Variants in ZNF705B observed in about 807,000 individuals in gnomAD.
The protein encoded by ZNF705B is Putative zinc finger protein 705D-like protein LOC100132396.
In ZNF705B, 1 loss-of-function variant was observed where a neutral mutation model predicts 10.5. The ratio of observed to expected loss-of-function variants is 0.10; its 90% CI spans 0.03 to 0.45. ZNF705B has a LOEUF of 0.45. ZNF705B is among the 20% of genes least tolerant of loss of function. The pLI is 0.97. For synonymous variants in ZNF705B, 4 were observed against 25.4 expected (o/e 0.16, Z 2.53); for missense variants, 14 against 84.0 (o/e 0.17, Z 3.26).
chr8:7,932,203 C>T lies in ZNF705B; in HGVS notation c.-72+1767C>T, dbSNP rs1188732846. ...GCAGTGTCCACAGTGGGAATATGGA[C>T]CACTGGGGCTCTCTTTTTTACCTTT... On this transcript the variant is annotated intron_variant, in intron 2 of 6. Coordinates refer to ENST00000400120, the MANE Select transcript of ZNF705B (RefSeq NM_001193630.1). Among the ~76,000 whole-genome samples the T allele has an allele frequency of 5.0e-5, 6 of 121,114 alleles. 1 individual carries two copies. In the East Asian group the frequency reaches 7.1e-4, roughly 14 times the overall value. 79.5% of individuals were successfully genotyped at this position (121,114 alleles called of 152,430 possible).
rs867963993 is a variant in ZNF705B, at chr8:7,936,245, G to A, written c.-72+5809G>A. On this transcript the variant is annotated intron_variant, in intron 2 of 6. Transcript: ENST00000400120. ...TGTGCGGAAATTTGTTGTTACTCTC[G>A]GTTCAGAGGTCTTTGAATCATGTGT... 2.4e-4 allele frequency among the ~76,000 whole-genome samples: 29 copies of A among 119,912 alleles called. 4 individuals carry two copies. Among genetic ancestry groups the A allele is most frequent in the Middle Eastern group, 4.4e-3 (1 of 226 alleles). The allele number at this position is 119,912 out of a possible 152,430, so 78.7% of individuals were successfully genotyped here.
chr8:7,928,749 C>CA (rs548498381), intron 1 of ZNF705B, among the ~76,000 whole-genome samples: 19,969 of 52,084 alleles, frequency 0.38, 2,675 homozygotes, highest in South Asian at 0.56. Flanking sequence ...AACCAGGTAG[C>CA]AAAAAAAAAA....
intron 1 of ZNF705B, among the ~76,000 whole-genome samples, chr8:7,928,264 C>G (rs1169452869): frequency 4.2e-5 from 5 of 118,956 alleles, no homozygotes; most frequent in African/African-American, 1.0e-4. Context: ...AATATCGTCA[C>G]CACCTTGGGG....
intron 2 of ZNF705B, among the ~76,000 whole-genome samples, chr8:7,933,414 TAA>T (rs1274918808): frequency 3.2e-4 from 12 of 37,664 alleles, no homozygotes; most frequent in African/African-American, 6.5e-4. Flanking sequence ...TTTAAGCCAC[TAA>T]GTTTGTTGTA....
intron 2 of ZNF705B, among the ~76,000 whole-genome samples, chr8:7,941,192 TG>T (rs1430794673): frequency 6.9e-6 from 1 of 145,532 alleles, no homozygotes; most frequent in Non-Finnish European, 1.5e-5. Context: ...TATATTCCTT[TG>T]GGTATATACC....
At position 7,931,146 on chromosome 8, in the gene ZNF705B, C is replaced by T. The variant is rs1819836634; in HGVS notation, c.-72+710C>T. Reference sequence around the variant, plus strand: ...AGGATTACAGGTGTGAGTCAGGTGGCTTTCTCAAGTGCCAGCAGTGACAGT... The same window carrying T: ...AGGATTACAGGTGTGAGTCAGGTGGTTTTCTCAAGTGCCAGCAGTGACAGT... On this transcript the variant is annotated intron_variant, in intron 2 of 6. Transcript: ENST00000400120. Among the ~76,000 whole-genome samples the T allele has an allele frequency of 3.3e-5, 4 of 121,318 alleles. 2 individuals are homozygous for T. The Admixed American group carries it at 3.7e-4, about 11-fold the overall frequency. 79.6% of individuals were successfully genotyped at this position (121,318 alleles called of 152,430 possible).
chr8:7,929,656 T>C (rs1819787205), intron 1 of ZNF705B, among the ~76,000 whole-genome samples: 1 of 120,040 alleles, frequency 8.3e-6, no homozygotes, highest in South Asian at 2.9e-4. Context: ...GAATCAGGAA[T>C]GCAAGCTTTT....
rs1475987225 is a variant in ZNF705B, at chr8:7,926,387, C to T, written c.-232C>T. On this transcript the variant is annotated 5_prime_UTR_variant, in exon 1 of 7. Coordinates refer to ENST00000400120, the MANE Select transcript of ZNF705B (RefSeq NM_001193630.1). ...ACACAGCCTGTGGAGGGTGGAGGAA[C>T]CAACTGCAAGGTGGGTTTCCAGTAG... is the stretch of plus-strand genomic sequence containing the variant. 8.5e-6 allele frequency: 1 copy of T among 118,196 alleles called. No homozygotes were observed. The highest frequency in any genetic ancestry group is 2.6e-5 in the African/African-American group (1 of 38,508). The allele number at this position is 118,196 out of a possible 1,614,324, so 7.3% of individuals were successfully genotyped here. A position where few individuals can be genotyped will look rare whatever the true frequency, so the allele number is the denominator to read the frequency against.
chr8:7,934,199 C>A (rs1208824360), intron 2 of ZNF705B, among the ~76,000 whole-genome samples: 1 of 136,002 alleles, frequency 7.4e-6, no homozygotes, highest in Admixed American at 7.5e-5. Flanking sequence ...CTTGGCCTCC[C>A]AAAGTGCTAG....
intron 2 of ZNF705B, among the ~76,000 whole-genome samples, chr8:7,932,948 G>A (rs1430299466): frequency 1.8e-5 from 2 of 110,432 alleles, no homozygotes; most frequent in African/African-American, 5.2e-5. Context: ...CTCAGTGGCT[G>A]TTGTAGGCAG....
chr8:7,937,259 C>T (rs1200497739), intron 2 of ZNF705B, among the ~76,000 whole-genome samples: 1 of 117,438 alleles, frequency 8.5e-6, no homozygotes, highest in African/African-American at 2.6e-5. Flanking sequence ...CTGTGTCCTC[C>T]TCTCCTCTCT....
intron 2 of ZNF705B, among the ~76,000 whole-genome samples, chr8:7,937,780 C>A (rs1186997440): frequency 1.2e-5 from 1 of 86,588 alleles, no homozygotes; most frequent in African/African-American, 3.1e-5. Flanking sequence ...TACAAAGGAA[C>A]AGCACAACAG....
chr8:7,932,065 G>T (rs571159821), intron 2 of ZNF705B, among the ~76,000 whole-genome samples: 7 of 119,940 alleles, frequency 5.8e-5, no homozygotes, highest in African/African-American at 1.5e-4. Context: ...ACGTGCAGAC[G>T]ATCCAGTGCC....
chr8:7,929,605 G>A (rs1322240625), intron 1 of ZNF705B, among the ~76,000 whole-genome samples: 1 of 123,430 alleles, frequency 8.1e-6, no homozygotes, highest in Non-Finnish European at 1.9e-5. Flanking sequence ...TCCATAGATG[G>A]AACATTCTCA....
intron 2 of ZNF705B, among the ~76,000 whole-genome samples, chr8:7,936,786 A>T (rs1182387326): frequency 8.3e-6 from 1 of 120,362 alleles, no homozygotes; most frequent in African/African-American, 2.5e-5. Context: ...TGTGTGACAG[A>T]GTTATTCATA....
In ZNF705B at chr8:7,930,820, C is replaced by T. The variant is rs1440911378; in HGVS notation, c.-72+384C>T. Among the ~76,000 whole-genome samples the T allele has an allele frequency of 2.7e-5, 3 of 109,868 alleles. 1 individual carries two copies. Among genetic ancestry groups the T allele is most frequent in the Non-Finnish European group, 6.5e-5 (3 of 46,416 alleles). The allele number at this position is 109,868 out of a possible 152,430, so 72.1% of individuals were successfully genotyped here. A position where few individuals can be genotyped will look rare whatever the true frequency, so the allele number is the denominator to read the frequency against. ...ACTTTCTGTTTACCAGACATCACGGCAAAGATGTGTTGTGTTATTTTTTTT... is the reference window on the plus strand; with the variant it reads ...ACTTTCTGTTTACCAGACATCACGGTAAAGATGTGTTGTGTTATTTTTTTT... On this transcript the variant is annotated intron_variant, in intron 2 of 6. Transcript: ENST00000400120.
At chr8:7,937,689 T>C (rs1184010755) in intron 2 of ZNF705B, among the ~76,000 whole-genome samples, 2 of 113,566 alleles carry the variant, frequency 1.8e-5, no homozygotes, top group Non-Finnish European at 4.2e-5. Flanking sequence ...ATAATAATCT[T>C]ATGTCAGTCC....
At position 7,950,366 on chromosome 8, in the gene ZNF705B, G is replaced by A. The variant is rs1443790607; in HGVS notation, c.235+238G>A. 1.4e-4 allele frequency among the ~76,000 whole-genome samples: 2 copies of A among 13,868 alleles called. 1 individual carries two copies. The highest frequency in any genetic ancestry group is 1.7e-4 in the African/African-American group (2 of 12,114). 9.1% of individuals were successfully genotyped at this position (13,868 alleles called of 152,430 possible). A position where few individuals can be genotyped will look rare whatever the true frequency, so the allele number is the denominator to read the frequency against. ...GGGAAAAAGACAATTCATGTACTTG[G>A]CTGGGGTTAAACTTTCATATGCTGA... On this transcript the variant is annotated intron_variant, in intron 5 of 6. Coordinates refer to ENST00000400120, the MANE Select transcript of ZNF705B (RefSeq NM_001193630.1).
chr8:7,937,476 G>GAAAAC (rs1219529057), intron 2 of ZNF705B, among the ~76,000 whole-genome samples: 2 of 108,366 alleles, frequency 1.8e-5, no homozygotes, highest in East Asian at 2.7e-4. Context: ...GAGTAACAGT[G>GAAAAC]AAAACAAAAC....
Sources: gnomAD v4.1 joint callset for allele counts (sites outside exome capture counted in the v4.1 genomes callset) on GRCh38, gnomAD v4.1.1 for gene constraint, MANE v1.5 for transcripts, NCBI Gene and HGNC (gene_info 2026-07-23, HGNC 2026-07-21) for gene names.